Variants in HTR6 observed in about 807,000 individuals in gnomAD.
HTR6 encodes the protein 5-hydroxytryptamine receptor 6.
In HTR6, 15 loss-of-function variants were observed where a neutral mutation model predicts 17.4. The ratio of observed to expected loss-of-function variants is 0.86; its 90% CI spans 0.58 to 1.33. The LOEUF is 1.33. Among genes scored for constraint, HTR6 ranks in the 40% most tolerant of loss-of-function variants. HTR6 has a pLI of 0.00. For synonymous variants in HTR6, 326 were observed against 295.5 expected (o/e 1.10, Z -1.06); for missense variants, 578 against 616.0 (o/e 0.94, Z 0.65).
At position 19,678,701 on chromosome 1, in the gene HTR6, C is replaced by T. The variant is rs762742250; in HGVS notation, c.849C>T (p.Pro283=). 8.1e-6 allele frequency: 13 copies of T among 1,612,304 alleles called. No homozygotes were observed. In the East Asian group the frequency reaches 2.5e-4, roughly 30 times the overall value. Residue 283 remains proline (P), a synonymous_variant, in exon 2 of 3, where the codon CCC becomes CCT. Coordinates refer to ENST00000289753, the MANE Select transcript of HTR6 (RefSeq NM_000871.3). ...GCATGTTCTTTGTGACCTGGTTGCC[C>T]TTCTTTGTGGCCAACATAGTCCAGG... ...LLGMFFVTWL[P]FFVANIVQAV... is the part of the protein sequence containing the mutation.
At chr1:19,677,973 C>T (rs937077802) in intron 1 of HTR6, among the ~76,000 whole-genome samples, 2 of 152,214 alleles carry the variant, frequency 1.3e-5, no homozygotes, top group Admixed American at 1.3e-4. Context: ...CTCCTGACCT[C>T]AAGTGATCTG....
Position 19,679,272 on chromosome 1 carries a change from G to A in HTR6, c.1227G>A (p.Pro409=), listed in dbSNP as rs759124139. The change falls in exon 3 of 3, where the codon CCG becomes CCA. Residue 409 remains proline, a synonymous_variant. Coordinates refer to ENST00000289753, the MANE Select transcript of HTR6 (RefSeq NM_000871.3). This position sits in a 1 kb window ranked among gnomAD's most constrained non-coding sequence, Gnocchi z 4.9. ...CTGGCGAGGCCACCCAGGACCCCCCGCTGCCCACCAGGGCCGCTGCCGCCG... is the reference window on the plus strand; with the variant it reads ...CTGGCGAGGCCACCCAGGACCCCCCACTGCCCACCAGGGCCGCTGCCGCCG... The part of the protein sequence containing the change: ...LLPGEATQDP[P]LPTRAAAAVN... The A allele has an allele frequency of 2.2e-5, 35 of 1,604,084 alleles. No individual in the cohort carries two copies. Among genetic ancestry groups the A allele is most frequent in the Admixed American group, 6.7e-5 (4 of 59,580 alleles).
chr1:19,674,908 A>G (rs2095092416), intron 1 of HTR6, among the ~76,000 whole-genome samples: 1 of 152,208 alleles, frequency 6.6e-6, no homozygotes, highest in Non-Finnish European at 1.5e-5. Context: ...TACAGAAGGG[A>G]GATGCAAACG....
intron 1 of HTR6, 150 bp from the exon 2 acceptor site, chr1:19,678,417 C>T (rs2095096960): frequency 1.1e-6 from 1 of 941,222 alleles, no homozygotes; most frequent in South Asian, 1.4e-5. Context: ...GTCTAGGACT[C>T]TAGTTGGGAC....
intron 1 of HTR6, among the ~76,000 whole-genome samples, chr1:19,672,823 A>T (rs1324394341): frequency 6.6e-6 from 1 of 152,210 alleles, no homozygotes; most frequent in African/African-American, 2.4e-5. Context: ...TGAAGCTAGG[A>T]GTTCGAGACC....
In HTR6 at chr1:19,666,025, G is replaced by T; in HGVS notation, c.272G>T (p.Arg91Leu). The change falls in exon 1 of 3, where the codon CGC becomes CTC. Residue 91 changes from arginine (R) to leucine (L), a missense_variant. Physicochemically the swap from Arg to Leu is moderately radical, Grantham distance 102. Transcript: ENST00000289753. This position sits in a 1 kb window ranked among gnomAD's most constrained non-coding sequence, Gnocchi z 4.5. ...GCCATGCTGAACGCGCTGTACGGGCGCTGGGTGCTGGCGCGCGGCCTCTGC... is the reference window on the plus strand; with the variant it reads ...GCCATGCTGAACGCGCTGTACGGGCTCTGGGTGCTGGCGCGCGGCCTCTGC... Reference protein sequence around the residue: ...PPAMLNALYGRWVLARGLCLL... With the variant: ...PPAMLNALYGLWVLARGLCLL... 6.2e-7 allele frequency: 1 copy of T among 1,613,704 alleles called. No homozygotes were observed. Among genetic ancestry groups the T allele is most frequent in the Non-Finnish European group, 8.5e-7 (1 of 1,179,880 alleles).
rs2095081164 is a variant in HTR6 at position 19,666,029 on chromosome 1, G to A, written c.276G>A (p.Trp92Ter). The A allele has an allele frequency of 1.2e-6, 2 of 1,613,578 alleles. No individual in the cohort carries two copies. Among genetic ancestry groups the A allele is most frequent in the Admixed American group, 1.7e-5 (1 of 59,990 alleles). The change falls in exon 1 of 3, where the codon TGG (tryptophan) becomes TGA (stop). Residue 92 changes from tryptophan to a stop codon, truncating the protein, a stop_gained. Transcript: ENST00000289753. LOFTEE classifies it high-confidence loss of function. This position sits in a 1 kb window ranked among gnomAD's most constrained non-coding sequence, Gnocchi z 4.5. ...TGCTGAACGCGCTGTACGGGCGCTG[G>A]GTGCTGGCGCGCGGCCTCTGCCTGC... ...PAMLNALYGR[W>*]VLARGLCLLW...
intron 1 of HTR6, among the ~76,000 whole-genome samples, chr1:19,677,536 G>A (rs2095095826): frequency 6.6e-6 from 1 of 152,118 alleles, no homozygotes; most frequent in Admixed American, 6.5e-5. Context: ...GCATCCTTAG[G>A]AGCCTATTAA....
At chr1:19,676,723 C>T (rs78732601) in intron 1 of HTR6, among the ~76,000 whole-genome samples, 2,043 of 152,282 alleles carry the variant, frequency 0.013, 23 homozygotes, top group Non-Finnish European at 0.022. Context: ...TTGCCTCCTC[C>T]GCCTTTCCAT....
intron 1 of HTR6, among the ~76,000 whole-genome samples, chr1:19,675,043 G>A (rs569467346): frequency 1.3e-5 from 2 of 152,292 alleles, no homozygotes; most frequent in East Asian, 3.9e-4. Context: ...TGCTCCATGA[G>A]GGCCTCTTGC....
chr1:19,666,349 T>C lies in HTR6; in HGVS notation c.596T>C (p.Leu199Pro). ...VLVASGLTFF[L>P]PSGAICFTYC... Reference sequence around the variant, plus strand: ...GTGGCGTCGGGCCTCACCTTCTTCCTGCCCTCGGGTGCCATATGCTTCACC... The same window carrying C: ...GTGGCGTCGGGCCTCACCTTCTTCCCGCCCTCGGGTGCCATATGCTTCACC... Residue 199 changes from leucine (L) to proline (P), a missense_variant, in exon 1 of 3, where the codon CTG becomes CCG. By Grantham distance (98) the Leu-to-Pro change is moderately conservative. Transcript: ENST00000289753. The surrounding 1 kb of genome is among the most constrained non-coding windows in gnomAD (Gnocchi z 4.5). The C allele has an allele frequency of 6.2e-7, 1 of 1,613,828 alleles. No homozygotes were observed. Among genetic ancestry groups the C allele is most frequent in the Non-Finnish European group, 8.5e-7 (1 of 1,179,948 alleles).
rs561017450 is a variant in HTR6 at position 19,680,875 on chromosome 1, G to C, written c.*1507G>C. 6.6e-6 allele frequency among the ~76,000 whole-genome samples: 1 copy of C among 152,194 alleles called. No individual in the cohort carries two copies. On this transcript the variant is annotated 3_prime_UTR_variant, in exon 3 of 3. Coordinates refer to ENST00000289753, the MANE Select transcript of HTR6 (RefSeq NM_000871.3). ...GATGAGACACAACTCTGGCCCCGGC[G>C]GCTGGCCTCTGAGGGGCCATGGTGC...
intron 1 of HTR6, among the ~76,000 whole-genome samples, chr1:19,675,786 G>A (rs1358326870): frequency 6.6e-6 from 1 of 152,170 alleles, no homozygotes; most frequent in African/African-American, 2.4e-5. Context: ...ATTTGAAGGT[G>A]TGGCAGGTCT....
rs942630425 is a variant in HTR6 at position 19,665,512 on chromosome 1, G to A, written c.-242G>A. 7.0e-6 allele frequency: 3 copies of A among 429,036 alleles called. No individual in the cohort carries two copies. The highest frequency in any genetic ancestry group is 1.2e-5 in the Non-Finnish European group (3 of 247,332). 26.6% of individuals were successfully genotyped at this position (429,036 alleles called of 1,614,324 possible). On this transcript the variant is annotated 5_prime_UTR_variant, in exon 1 of 3. Coordinates refer to ENST00000289753, the MANE Select transcript of HTR6 (RefSeq NM_000871.3). The surrounding 1 kb of genome is among the most constrained non-coding windows in gnomAD (Gnocchi z 4.2). ...CCAAACTTCCAACCCGTTTGCTCCA[G>A]GAGTTCCTGCCCCATCCCCGAGGGC...
At chr1:19,672,318 C>T (rs1485573416) in intron 1 of HTR6, among the ~76,000 whole-genome samples, 1 of 152,102 alleles carries the variant, frequency 6.6e-6, no homozygotes, top group Non-Finnish European at 1.5e-5. Flanking sequence ...CGCTTTTCCT[C>T]CTCCCCCTCC....
chr1:19,673,916 G>A (rs183841962), intron 1 of HTR6, among the ~76,000 whole-genome samples: 1 of 149,266 alleles, frequency 6.7e-6, no homozygotes, highest in Admixed American at 6.7e-5. Context: ...ACCCAGGCTG[G>A]AGTGCAGTGG....
chr1:19,678,886 T>C (rs200700569), intron 2 of HTR6, 33 bp from the exon 3 acceptor site: 72 of 1,567,796 alleles, frequency 4.6e-5, no homozygotes, highest in Middle Eastern at 1.7e-4. Context: ...GTCCCTGCCC[T>C]GGGACCAGGC....
intron 1 of HTR6, among the ~76,000 whole-genome samples, chr1:19,675,810 T>C (rs1421374255): frequency 6.6e-6 from 1 of 152,104 alleles, no homozygotes; most frequent in Non-Finnish European, 1.5e-5. Context: ...GAGATTCTTT[T>C]GGGGAAGCAG....
chr1:19,676,650 A>C (rs2095094848), intron 1 of HTR6, among the ~76,000 whole-genome samples: 1 of 152,216 alleles, frequency 6.6e-6, no homozygotes, highest in South Asian at 2.1e-4. Context: ...AGGAGAGGGC[A>C]TGCGCAGCAG....
Sources: gnomAD v4.1 joint callset for allele counts (sites outside exome capture counted in the v4.1 genomes callset) on GRCh38, gnomAD v4.1.1 for gene constraint, Gnocchi (gnomAD v3.1) non-coding constraint, MANE v1.5 for transcripts, NCBI Gene and HGNC (gene_info 2026-07-23, HGNC 2026-07-21) for gene names.